The following CDC42BPG variants were observed in gnomAD, a reference collection of about 807,000 sequenced individuals.
CDC42BPG encodes the protein CDC42 binding protein kinase gamma, also known as serine/threonine-protein kinase MRCK gamma.
In CDC42BPG, 157 loss-of-function variants were observed where a neutral mutation model predicts 192.2. That is an observed-to-expected ratio of 0.82 (90% CI 0.72 to 0.93). The LOEUF (loss-of-function observed/expected upper bound fraction) is 0.93, where lower values mean the gene tolerates loss of function less well. Ranked by LOEUF, CDC42BPG falls within the 40% of genes least tolerant of loss-of-function variation. CDC42BPG has a pLI of 0.00. For synonymous variants in CDC42BPG, 981 were observed against 918.5 expected (o/e 1.07, Z -1.23); for missense variants, 1,992 against 2,122.1 (o/e 0.94, Z 1.20).
In CDC42BPG at chr11:64,832,587, C is replaced by T. The variant is rs576715473; in HGVS notation, c.3005+17G>A. On this transcript the variant is annotated intron_variant, in intron 26 of 36. Coordinates refer to ENST00000342711, the MANE Select transcript of CDC42BPG (RefSeq NM_017525.3). ...TTACCACTAGTCCCTTGCCCCATGC[C>T]ACTGCCCGGCACCTACCTCAGATCT... 4.6e-4 allele frequency: 742 copies of T among 1,614,032 alleles called. 9 individuals are homozygous for T. In the South Asian group the frequency reaches 7.8e-3, roughly 17 times the overall value.
chr11:64,831,695 C>G lies in CDC42BPG; in HGVS notation c.3114G>C (p.Pro1038=). ...GCAGCAGCACAGTGCACGTGGTGGG[C>G]GGCACTGCCAGCTGGGAGGTTGTCA... ...FRVTTSQLAV[P]PTTCTVLLLA... Residue 1038 remains proline (P), a synonymous_variant, in exon 28 of 37, where the codon CCG becomes CCC. Coordinates refer to ENST00000342711, the MANE Select transcript of CDC42BPG (RefSeq NM_017525.3). 6.2e-7 allele frequency: 1 copy of G among 1,603,690 alleles called. No homozygotes were observed. The highest frequency in any genetic ancestry group is 8.5e-7 in the Non-Finnish European group (1 of 1,177,646).
At position 64,844,426 on chromosome 11, in the gene CDC42BPG, C is replaced by A; in HGVS notation, c.144G>T (p.Ala48=). 6 of 1,461,180 alleles carry A rather than the reference C, an allele frequency of 4.1e-6. No individual in the cohort carries two copies. Among genetic ancestry groups the A allele is most frequent in the Non-Finnish European group, 5.4e-6 (6 of 1,111,226 alleles). The allele number at this position is 1,461,180 out of a possible 1,614,324, so 90.5% of individuals were successfully genotyped here. Residue 48 remains alanine, a synonymous_variant, in exon 1 of 37, where the codon GCG becomes GCT. Coordinates refer to ENST00000342711, the MANE Select transcript of CDC42BPG (RefSeq NM_017525.3). The part of the protein sequence containing the change: ...SGPLRRERSV[A]QFLSWASPFV... ...GCCACTCACCCCAGCTCAGGAACTG[C>A]GCCACGCTGCGCTCCCGCCGTAGGG...
chr11:64,837,728 C>T (rs935208642), intron 9 of CDC42BPG, among the ~76,000 whole-genome samples: 30 of 152,350 alleles, frequency 2.0e-4, no homozygotes, highest in Admixed American at 7.2e-4. Context: ...TCCCTAAGTG[C>T]TGGGATTACA....
chr11:64,831,591 G>A lies in CDC42BPG; in HGVS notation c.3218C>T (p.Pro1073Leu). Residue 1073 changes from proline to leucine, a missense_variant, in exon 28 of 37, where the codon CCA (proline) becomes CTA (leucine). Around this residue, in one of 2 missense-constraint regions of CDC42BPG, gnomAD observed 1,656 missense variants for 1,844.3 expected, o/e 0.90. Coordinates refer to ENST00000342711, the MANE Select transcript of CDC42BPG (RefSeq NM_017525.3). ...ELQRLLLDAR[P>L]RPRPVYTLKE... Reference sequence around the variant, plus strand: ...GAGTGTGTACACGGGCCGGGGTCTTGGCCGCGCGTCCAGCAGCAGCCGCTG... The same window carrying A: ...GAGTGTGTACACGGGCCGGGGTCTTAGCCGCGCGTCCAGCAGCAGCCGCTG... 1 of 1,612,312 alleles carries A rather than the reference G, an allele frequency of 6.2e-7. No individual in the cohort carries two copies. The highest frequency in any genetic ancestry group is 8.5e-7 in the Non-Finnish European group (1 of 1,179,908).
intron 28 of CDC42BPG, among the ~76,000 whole-genome samples, chr11:64,831,092 C>A (rs1942663057): frequency 6.6e-6 from 1 of 152,142 alleles, no homozygotes; most frequent in African/African-American, 2.4e-5. Flanking sequence ...GTGGTGCATG[C>A]CTGCAATCCC....
Position 64,838,741 on chromosome 11 carries a change from C to T in CDC42BPG, c.1038G>A (p.Ala346=), listed in dbSNP as rs749101098. The part of the protein sequence containing the change: ...FFEGVDWERL[A]SSTAPYIPEL... ...CAGGAATATAGGGGGCCGTGCTGCT[C>T]GCCAGCCGCTCCCAGTCCACGCCTT... The change falls in exon 8 of 37, where the codon GCG becomes GCA. Residue 346 remains alanine, a synonymous_variant. Transcript: ENST00000342711. The T allele has an allele frequency of 1.1e-5, 17 of 1,612,870 alleles. No individual in the cohort carries two copies. Among genetic ancestry groups the T allele is most frequent in the Admixed American group, 5.0e-5 (3 of 60,008 alleles).
At chr11:64,827,860 A>C in intron 30 of CDC42BPG, 77 bp from the exon 31 acceptor site, 1 of 1,245,600 alleles carries the variant, frequency 8.0e-7, no homozygotes, top group Non-Finnish European at 1.1e-6. Context: ...GCCACAGCAC[A>C]GTAACTACCA....
At position 64,829,617 on chromosome 11, in the gene CDC42BPG, C is replaced by T; in HGVS notation, c.3821G>A (p.Gly1274Glu). 1.2e-6 allele frequency: 2 copies of T among 1,611,690 alleles called. No homozygotes were observed. Among genetic ancestry groups the T allele is most frequent in the Non-Finnish European group, 1.7e-6 (2 of 1,179,404 alleles). Residue 1274 changes from glycine to glutamate, a missense_variant, in exon 30 of 37, where the codon GGG becomes GAG. Gly to Glu is a moderately conservative substitution (Grantham distance 98). This residue lies in a region of CDC42BPG where 1,656 missense variants were observed against 1,844.3 expected (regional missense o/e 0.90). Transcript: ENST00000342711. Reference sequence around the variant, plus strand: ...GGCACCCAGTGCCTCACCCAGGCCCCCGCGGGATGGTGGCAGCTCCTCAGG... The same window carrying T: ...GGCACCCAGTGCCTCACCCAGGCCCTCGCGGGATGGTGGCAGCTCCTCAGG... ...LVPEELPPSR[G>E]GLGEALGAVE...
intron 27 of CDC42BPG, among the ~76,000 whole-genome samples, 175 bp from the exon 28 acceptor site, chr11:64,831,896 G>A (rs1056535137): frequency 6.6e-6 from 1 of 152,272 alleles, no homozygotes; most frequent in Admixed American, 6.5e-5. Context: ...GCCATAATGG[G>A]GCAAGGACGG....
intron 1 of CDC42BPG, among the ~76,000 whole-genome samples, chr11:64,842,621 C>G (rs1943329014): frequency 6.6e-6 from 1 of 152,226 alleles, no homozygotes; most frequent in Non-Finnish European, 1.5e-5. Flanking sequence ...GACCGGCTCT[C>G]TCACTCCCAG....
chr11:64,844,335 G>A, intron 1 of CDC42BPG, 75 bp downstream of exon 1: 1 of 1,275,660 alleles, frequency 7.8e-7, no homozygotes, highest in Non-Finnish European at 1.0e-6. Context: ...GTCCCTGCGG[G>A]AAAGTCTGCG....
rs757884720 is a variant in CDC42BPG at position 64,829,709 on chromosome 11, G to A, written c.3729C>T (p.Ala1243=). The change falls in exon 30 of 37, where the codon GCC becomes GCT. Residue 1243 remains alanine, a synonymous_variant. Coordinates refer to ENST00000342711, the MANE Select transcript of CDC42BPG (RefSeq NM_017525.3). ...GCAGCGGGTAGAGTGCAAAGCCACC[G>A]GCGGCGCCCACACATAGCCGGTCGC... is the stretch of plus-strand genomic sequence containing the variant. The part of the protein sequence containing the change: ...LLGDRLCVGA[A]GGFALYPLLN... 9.7e-5 allele frequency: 156 copies of A among 1,610,466 alleles called. No individual in the cohort carries two copies. The Middle Eastern group carries it at 2.2e-3, about 22-fold the overall frequency.
intron 12 of CDC42BPG, 52 bp from the exon 13 acceptor site, chr11:64,836,348 G>GAAC (rs1942986475): frequency 6.2e-7 from 1 of 1,606,026 alleles, no homozygotes; most frequent in South Asian, 1.1e-5. Flanking sequence ...AGTCAGGCAC[G>GAAC]AACCGTCCAT....
In CDC42BPG at chr11:64,829,679, G is replaced by T. The variant is rs774975774; in HGVS notation, c.3759C>A (p.Asn1253Lys). 1.2e-6 allele frequency: 2 copies of T among 1,611,728 alleles called. No homozygotes were observed. Among genetic ancestry groups the T allele is most frequent in the Non-Finnish European group, 1.7e-6 (2 of 1,179,500 alleles). ...CCCCCAGCGCCAACGGCGCAGCCTCGTTGAGCAGCGGGTAGAGTGCAAAGC... is the reference window on the plus strand; with the variant it reads ...CCCCCAGCGCCAACGGCGCAGCCTCTTTGAGCAGCGGGTAGAGTGCAAAGC... ...AGGFALYPLL[N>K]EAAPLALGAG... Residue 1253 changes from asparagine to lysine, a missense_variant, in exon 30 of 37, where the codon AAC becomes AAA. By Grantham distance (94) the Asn-to-Lys change is moderately conservative. Transcript: ENST00000342711.
chr11:64,832,393 G>A, intron 27 of CDC42BPG, 35 bp downstream of exon 27: 2 of 1,596,788 alleles, frequency 1.3e-6, no homozygotes, highest in Middle Eastern at 1.7e-4. Context: ...TGGGGAGGTG[G>A]ATGGTGGCTG....
Position 64,835,416 on chromosome 11 carries a change from C to A in CDC42BPG, c.1884G>T (p.Pro628=). 6.2e-7 allele frequency: 1 copy of A among 1,613,670 alleles called. No individual in the cohort carries two copies. Among genetic ancestry groups the A allele is most frequent in the East Asian group, 2.2e-5 (1 of 44,866 alleles). Residue 628 remains proline, a synonymous_variant, in exon 16 of 37, where the codon CCG becomes CCT. Transcript: ENST00000342711. ...GGCACAGAGCCTCCTCCTTACCACTCGGCCTGGGGAGGAGAAGGCCAAGGC... is the reference window on the plus strand; with the variant it reads ...GGCACAGAGCCTCCTCCTTACCACTAGGCCTGGGGAGGAGAAGGCCAAGGC... ...EQLEQAHSHR[P]SGKEEALCQL... is the part of the protein sequence containing the mutation.
In CDC42BPG at chr11:64,837,020, C is replaced by G. The variant is rs1265651943; in HGVS notation, c.1206-1G>C. 1 of 1,612,096 alleles carries G rather than the reference C, an allele frequency of 6.2e-7. No homozygotes were observed. The highest frequency in any genetic ancestry group is 8.5e-7 in the Non-Finnish European group (1 of 1,178,662). On this transcript the variant is annotated splice_acceptor_variant, in intron 9 of 36. Transcript: ENST00000342711. LOFTEE classifies it high-confidence loss of function. ...CTCAGAGCTGCTCTCAGGACTGTGA[C>G]TGTAGGGGGACAGGGGCCATGTTTG...
rs1279796885 is a variant in CDC42BPG, at chr11:64,827,374, T to TC, written c.4174dup (p.Asp1392GlyfsTer155). On this transcript the variant is annotated frameshift_variant, in exon 33 of 37. Coordinates refer to ENST00000342711, the MANE Select transcript of CDC42BPG (RefSeq NM_017525.3). LOFTEE classifies it high-confidence loss of function. The stretch of plus-strand genomic sequence containing the variant: ...CTGGCGCCGGCTGTTGTCGGTGAGG[T>TC]CCGGGATGTCGAACTCGTCCTTCTC... 1.3e-5 allele frequency: 21 copies of TC among 1,613,652 alleles called. No homozygotes were observed. Among genetic ancestry groups the TC allele is most frequent in the Non-Finnish European group, 1.8e-5 (21 of 1,179,744 alleles).
chr11:64,836,597 T>G, intron 11 of CDC42BPG, 67 bp from the exon 12 acceptor site: 1 of 1,451,470 alleles, frequency 6.9e-7, no homozygotes, highest in Non-Finnish European at 9.7e-7. Flanking sequence ...GGAGCAAGTC[T>G]CCTTGGCCTG....
Sources: gnomAD v4.1 joint callset for allele counts (sites outside exome capture counted in the v4.1 genomes callset) on GRCh38, gnomAD v4.1.1 for gene constraint, gnomAD v4.1.1 regional missense constraint, MANE v1.5 for transcripts, NCBI Gene and HGNC (gene_info 2026-07-23, HGNC 2026-07-21) for gene names.